The following HS6ST3 variants were observed in gnomAD, a reference collection of about 807,000 sequenced individuals.
The protein encoded by HS6ST3 is heparan-sulfate 6-O-sulfotransferase 3.
In HS6ST3, 12 loss-of-function variants were observed where a neutral mutation model predicts 36.7. The ratio of observed to expected loss-of-function variants is 0.33; its 90% CI spans 0.21 to 0.53. The LOEUF (loss-of-function observed/expected upper bound fraction) is 0.53. Ranked by LOEUF, HS6ST3 falls within the 20% of genes least tolerant of loss-of-function variation. HS6ST3 has a pLI of 0.95. For missense variants in HS6ST3, 584 were observed against 640.9 expected (o/e 0.91, Z 0.96); for synonymous variants, 240 against 257.5 (o/e 0.93, Z 0.65).
At chr13:96,150,127 G>C (rs942017618) in intron 1 of HS6ST3, among the ~76,000 whole-genome samples, 3 of 152,164 alleles carry the variant, frequency 2.0e-5, no homozygotes, top group African/African-American at 7.2e-5. Context: ...ACACCGGAGA[G>C]TGAGTGAGGC....
intron 1 of HS6ST3, among the ~76,000 whole-genome samples, chr13:96,477,241 A>T (rs555674225): frequency 9.2e-5 from 14 of 152,296 alleles, no homozygotes; most frequent in Middle Eastern, 3.4e-3. Context: ...AGTTTAAGCA[A>T]TGTGCCTTTT....
chr13:96,281,308 AAT>A (rs2139393925), intron 1 of HS6ST3, among the ~76,000 whole-genome samples: 1 of 152,244 alleles, frequency 6.6e-6, no homozygotes, highest in African/African-American at 2.4e-5. Context: ...CTAGCCCAGA[AAT>A]TTTTATCTTT....
At chr13:96,222,029 A>AT (rs1251102871) in intron 1 of HS6ST3, among the ~76,000 whole-genome samples, 3 of 152,204 alleles carry the variant, frequency 2.0e-5, no homozygotes, top group Non-Finnish European at 2.9e-5. Flanking sequence ...TAGCATGTTG[A>AT]TTTAAAAAGT....
In HS6ST3 at chr13:96,745,996, G is replaced by A. The variant is rs147000655; in HGVS notation, c.708-86494G>A. Among the ~76,000 whole-genome samples the A allele has an allele frequency of 4.0e-4, 61 of 152,012 alleles. 1 individual carries two copies. Among genetic ancestry groups the A allele is most frequent in the Non-Finnish European group, 6.9e-4 (47 of 67,958 alleles). ...TTGGTTTTTCTAATGGGCATAAGTT[G>A]TCTAGTTTTAAAAAAAAGGATACCC... is the stretch of plus-strand genomic sequence containing the variant. On this transcript the variant is annotated intron_variant, in intron 1 of 1. Coordinates refer to ENST00000376705, the MANE Select transcript of HS6ST3 (RefSeq NM_153456.4).
At chr13:96,216,733 C>T (rs2054428142) in intron 1 of HS6ST3, among the ~76,000 whole-genome samples, 1 of 152,178 alleles carries the variant, frequency 6.6e-6, no homozygotes, top group Non-Finnish European at 1.5e-5. Context: ...TCAGGTCCCT[C>T]TCTCCTGCCC....
At chr13:96,287,011 C>T (rs1485132909) in intron 1 of HS6ST3, among the ~76,000 whole-genome samples, 4 of 152,066 alleles carry the variant, frequency 2.6e-5, no homozygotes, top group Non-Finnish European at 4.4e-5. Flanking sequence ...GGGAGAGAAA[C>T]AGAACACCCA....
chr13:96,336,988 A>C (rs11620555), intron 1 of HS6ST3, among the ~76,000 whole-genome samples: 10,958 of 152,266 alleles, frequency 0.072, 482 homozygotes, highest in Middle Eastern at 0.11. Context: ...TTACTACTTC[A>C]TCCTCAACCC....
At chr13:96,517,886 C>G (rs1190961452) in intron 1 of HS6ST3, among the ~76,000 whole-genome samples, 1 of 152,152 alleles carries the variant, frequency 6.6e-6, no homozygotes, top group Non-Finnish European at 1.5e-5. Context: ...ATAAATCATT[C>G]TACCATAAAG....
chr13:96,236,055 A>G (rs1298379787), intron 1 of HS6ST3, among the ~76,000 whole-genome samples: 1 of 152,230 alleles, frequency 6.6e-6, no homozygotes, highest in African/African-American at 2.4e-5. Context: ...TGTAAGTACA[A>G]CAGTCCAAAA....
intron 1 of HS6ST3, among the ~76,000 whole-genome samples, chr13:96,373,328 A>G (rs773009909): frequency 5.9e-5 from 9 of 152,214 alleles, no homozygotes; most frequent in Non-Finnish European, 1.3e-4. Flanking sequence ...AAAGGACCCT[A>G]TCTTCCTGAA....
intron 1 of HS6ST3, among the ~76,000 whole-genome samples, chr13:96,396,263 G>A (rs1443695780): frequency 5.3e-5 from 8 of 151,538 alleles, no homozygotes; most frequent in African/African-American, 9.7e-5. Flanking sequence ...ACAGTGACCC[G>A]AGATCACACC....
At chr13:96,483,503 CAATTA>C (rs1243058533) in intron 1 of HS6ST3, among the ~76,000 whole-genome samples, 6 of 152,104 alleles carry the variant, frequency 3.9e-5, no homozygotes, top group African/African-American at 1.4e-4. Context: ...TAAGGCATTT[CAATTA>C]AATATCGTAA....
chr13:96,825,277 T>C (rs16953608), intron 1 of HS6ST3, among the ~76,000 whole-genome samples: 2,775 of 152,326 alleles, frequency 0.018, 77 homozygotes, highest in African/African-American at 0.063. Flanking sequence ...ATGAGTTTGT[T>C]TTAATCACCA....
intron 1 of HS6ST3, among the ~76,000 whole-genome samples, chr13:96,748,215 C>A (rs1289488340): frequency 1.3e-5 from 2 of 152,064 alleles, no homozygotes; most frequent in African/African-American, 4.8e-5. Context: ...GCACGTACAA[C>A]TCCCAGGATA....
intron 1 of HS6ST3, among the ~76,000 whole-genome samples, chr13:96,291,481 C>T (rs2054829681): frequency 6.6e-6 from 1 of 152,068 alleles, no homozygotes. Context: ...AAGGAAAATC[C>T]ACGTGCTAGT....
chr13:96,308,987 T>C (rs1336429553), intron 1 of HS6ST3, among the ~76,000 whole-genome samples: 1 of 152,164 alleles, frequency 6.6e-6, no homozygotes, highest in Non-Finnish European at 1.5e-5. Flanking sequence ...TTCCTCTATA[T>C]TTGTACAAAA....
intron 1 of HS6ST3, among the ~76,000 whole-genome samples, chr13:96,710,549 A>G (rs1487613006): frequency 2.0e-5 from 3 of 152,280 alleles, no homozygotes; most frequent in Admixed American, 1.3e-4. Context: ...CAGATAGCAC[A>G]TTCTTTTCGT....
intron 1 of HS6ST3, among the ~76,000 whole-genome samples, chr13:96,603,409 C>T (rs1012874469): frequency 2.6e-5 from 4 of 152,090 alleles, no homozygotes; most frequent in African/African-American, 9.7e-5. Flanking sequence ...TGTGGTAGTT[C>T]ATTCATTTTC....
chr13:96,736,413 C>A (rs1446135665), intron 1 of HS6ST3, among the ~76,000 whole-genome samples: 1 of 152,058 alleles, frequency 6.6e-6, no homozygotes, highest in Admixed American at 6.5e-5. Context: ...GATAAGAGTG[C>A]AGTTCTAACA....
Sources: gnomAD v4.1 joint callset for allele counts (sites outside exome capture counted in the v4.1 genomes callset) on GRCh38, gnomAD v4.1.1 for gene constraint, MANE v1.5 for transcripts, NCBI Gene and HGNC (gene_info 2026-07-23, HGNC 2026-07-21) for gene names.